The following RIMS1 variants were observed in gnomAD, a reference collection of about 807,000 sequenced individuals.
RIMS1 encodes the protein regulating synaptic membrane exocytosis 1, also known as regulating synaptic membrane exocytosis protein 1.
Under a neutral mutation model 214.1 loss-of-function variants are expected in RIMS1, and 83 were observed. That is an observed-to-expected ratio of 0.39 (90% CI 0.32 to 0.47). RIMS1 has a LOEUF of 0.47. Among genes scored for constraint, RIMS1 ranks in the 20% least tolerant of loss-of-function variants. The pLI is 0.99. For missense variants in RIMS1, 2,050 were observed against 2,161.8 expected (o/e 0.95, Z 1.03); for synonymous variants, 793 against 786.8 (o/e 1.01, Z -0.13).
Position 71,899,921 on chromosome 6 carries a change from T to G in RIMS1, c.164+12734T>G, listed in dbSNP as rs867747104. Among the ~76,000 whole-genome samples, 5 of 152,254 alleles carry G rather than the reference T, an allele frequency of 3.3e-5. No individual in the cohort carries two copies. The Middle Eastern group carries it at 0.01, about 311-fold the overall frequency. On this transcript the variant is annotated intron_variant, in intron 1 of 33. Coordinates refer to ENST00000521978, the MANE Select transcript of RIMS1 (RefSeq NM_014989.7). The stretch of plus-strand genomic sequence containing the variant: ...ATTTGTTCTTGAAGCAAAAATAGAT[T>G]GGGCACTACTCATGATATGCTAGGT...
At chr6:72,057,305 A>C (rs2152212399) in intron 2 of RIMS1, among the ~76,000 whole-genome samples, 1 of 152,270 alleles carries the variant, frequency 6.6e-6, no homozygotes, top group Non-Finnish European at 1.5e-5. Flanking sequence ...CGACAAATAC[A>C]GGAGAATGGA....
chr6:72,306,175 A>T, intron 26 of RIMS1, among the ~76,000 whole-genome samples: 1 of 152,088 alleles, frequency 6.6e-6, no homozygotes, highest in East Asian at 1.9e-4. Flanking sequence ...TTAACTTGTA[A>T]ACCATTAGTC....
chr6:72,061,117 CCTT>C (rs1827731941), intron 2 of RIMS1, among the ~76,000 whole-genome samples: 1 of 152,002 alleles, frequency 6.6e-6, no homozygotes, highest in Non-Finnish European at 1.5e-5. Context: ...AAATATTTGA[CCTT>C]CTTATTTAAT....
chr6:71,951,057 A>T (rs1770091349), intron 1 of RIMS1, among the ~76,000 whole-genome samples: 1 of 152,210 alleles, frequency 6.6e-6, no homozygotes, highest in African/African-American at 2.4e-5. Context: ...CAAACATCAA[A>T]TACACTAATG....
chr6:72,061,876 A>G (rs1156371735), intron 2 of RIMS1, among the ~76,000 whole-genome samples: 2 of 152,264 alleles, frequency 1.3e-5, no homozygotes, highest in African/African-American at 4.8e-5. Context: ...GTTTTTAAAG[A>G]CAGAAACAAT....
chr6:72,369,473 G>A (rs1039151935), intron 29 of RIMS1, among the ~76,000 whole-genome samples: 2 of 152,148 alleles, frequency 1.3e-5, no homozygotes, highest in African/African-American at 4.8e-5. Context: ...GAAGTGGCTA[G>A]GCAAGTCTCT....
chr6:72,165,973 G>T (rs549832155), intron 4 of RIMS1, among the ~76,000 whole-genome samples: 1 of 152,170 alleles, frequency 6.6e-6, no homozygotes, highest in East Asian at 1.9e-4. Flanking sequence ...TTTGCTCTTC[G>T]TATTAATATG....
At chr6:72,095,199 A>G (rs1586837668) in intron 2 of RIMS1, among the ~76,000 whole-genome samples, 2 of 141,024 alleles carry the variant, frequency 1.4e-5, no homozygotes, top group Admixed American at 1.6e-4. Flanking sequence ...TCCTGACCTC[A>G]TGATCCGCCT....
chr6:71,900,180 T>C (rs2150442681), intron 1 of RIMS1, among the ~76,000 whole-genome samples: 1 of 152,028 alleles, frequency 6.6e-6, no homozygotes. Context: ...AGCAGGCAAA[T>C]AGGGGTGAAG....
rs573518718 is a variant in RIMS1, at chr6:71,952,812, G to A, written c.165-16171G>A. On this transcript the variant is annotated intron_variant, in intron 1 of 33. Coordinates refer to ENST00000521978, the MANE Select transcript of RIMS1 (RefSeq NM_014989.7). Reference sequence around the variant, plus strand: ...GAGGGTCCCTGCTGATCTCAGCTGGGGTTACTCATGCTTCCTCAGGTTGGC... The same window carrying A: ...GAGGGTCCCTGCTGATCTCAGCTGGAGTTACTCATGCTTCCTCAGGTTGGC... Among the ~76,000 whole-genome samples the A allele has an allele frequency of 6.6e-5, 10 of 152,100 alleles. No homozygotes were observed. The South Asian group carries it at 2.1e-3, about 32-fold the overall frequency.
rs760467719 is a variant in RIMS1 at position 72,264,960 on chromosome 6, G to A, written c.3117-15G>A. 27 of 1,551,118 alleles carry A rather than the reference G, an allele frequency of 1.7e-5. No individual in the cohort carries two copies. The highest frequency in any genetic ancestry group is 2.2e-5 in the Non-Finnish European group (25 of 1,136,400). On this transcript the variant is annotated splice_polypyrimidine_tract_variant and intron_variant, in intron 19 of 33. Coordinates refer to ENST00000521978, the MANE Select transcript of RIMS1 (RefSeq NM_014989.7). Reference sequence around the variant, plus strand: ...ATTTTTCTGTTTCCTGCGTGTTTGTGTTGCTACGTTCCAGACATCTTGTTA... The same window carrying A: ...ATTTTTCTGTTTCCTGCGTGTTTGTATTGCTACGTTCCAGACATCTTGTTA...
chr6:72,242,689 A>C (rs1327820061), intron 10 of RIMS1, among the ~76,000 whole-genome samples: 1 of 151,876 alleles, frequency 6.6e-6, no homozygotes, highest in Non-Finnish European at 1.5e-5. Flanking sequence ...TACTTTTTGC[A>C]AGTGAAATAT....
At chr6:72,267,654 A>G (rs1203445007) in intron 22 of RIMS1, among the ~76,000 whole-genome samples, 1 of 152,064 alleles carries the variant, frequency 6.6e-6, no homozygotes, top group African/African-American at 2.4e-5. Flanking sequence ...CATTGGCTTC[A>G]TGTGGTTTGT....
intron 29 of RIMS1, among the ~76,000 whole-genome samples, chr6:72,349,431 C>T (rs1307718361): frequency 2.0e-5 from 3 of 151,818 alleles, no homozygotes; most frequent in South Asian, 2.1e-4. Context: ...ACTAAAGTTA[C>T]ATTTATAAAT....
intron 29 of RIMS1, among the ~76,000 whole-genome samples, chr6:72,367,698 A>G (rs1231594983): frequency 3.3e-5 from 5 of 152,166 alleles, no homozygotes; most frequent in Non-Finnish European, 7.4e-5. Context: ...ATACATATAT[A>G]TATTCAAAAA....
chr6:72,250,578 A>C lies in RIMS1; in HGVS notation c.2372+118A>C, dbSNP rs75977068. ...TAGATAATTCTGAGGAGATAAAAGT[A>C]CATTATCTCTGAAAAAAGAAGTCCC... On this transcript the variant is annotated intron_variant, in intron 13 of 33. Transcript: ENST00000521978. 0.028 allele frequency: 19,431 copies of C among 685,898 alleles called. 1,907 individuals carry two copies. In the East Asian group the frequency reaches 0.31, roughly 11 times the overall value. 42.5% of individuals were successfully genotyped at this position (685,898 alleles called of 1,614,324 possible).
At position 72,018,810 on chromosome 6, in the gene RIMS1, T is replaced by G. The variant is rs539408921; in HGVS notation, c.245+49747T>G. 3.4e-4 allele frequency among the ~76,000 whole-genome samples: 52 copies of G among 152,254 alleles called. No homozygotes were observed. In the South Asian group the frequency reaches 7.9e-3, roughly 23 times the overall value. ...TTTGGTTCAGCAATATAGAAATAAT[T>G]GTTTGATTGAGCAGATATTCTCCCC... On this transcript the variant is annotated intron_variant, in intron 2 of 33. Coordinates refer to ENST00000521978, the MANE Select transcript of RIMS1 (RefSeq NM_014989.7).
intron 22 of RIMS1, among the ~76,000 whole-genome samples, chr6:72,271,255 G>A (rs2082943788): frequency 8.7e-6 from 1 of 115,470 alleles, no homozygotes; most frequent in African/African-American, 3.3e-5. Context: ...GACAGAGCAA[G>A]ACTCCATCTC....
intron 3 of RIMS1, among the ~76,000 whole-genome samples, chr6:72,099,129 G>A (rs1480951327): frequency 6.6e-6 from 1 of 152,190 alleles, no homozygotes; most frequent in Admixed American, 6.5e-5. Flanking sequence ...ACCCACAACT[G>A]TTAAATGCTT....
Sources: allele counts gnomAD v4.1 joint callset (sites outside exome capture counted in the v4.1 genomes callset), GRCh38; gene constraint gnomAD v4.1.1; transcripts MANE v1.5; gene names NCBI Gene and HGNC (gene_info 2026-07-23, HGNC 2026-07-21).